Variants in DPYD observed in about 807,000 individuals in gnomAD.
DPYD encodes dihydropyrimidine dehydrogenase [NADP(+)].
DPYD carries 109 observed loss-of-function variants against 116.2 expected under a neutral mutation model. That is an observed-to-expected ratio of 0.94 (90% CI 0.80 to 1.10). DPYD has a LOEUF of 1.10. Among genes scored for constraint, DPYD ranks in the 50% least tolerant of loss-of-function variants. DPYD has a pLI of 0.00. For missense variants in DPYD, 1,302 were observed against 1,254.5 expected, an observed-to-expected ratio of 1.04 and a Z score of -0.57; for synonymous variants, 440 against 432.0, an observed-to-expected ratio of 1.02 and a Z score of -0.23.
At chr1:97,554,263 C>T (rs1046314433) in intron 11 of DPYD, among the ~76,000 whole-genome samples, 3 of 151,964 alleles carry the variant, frequency 2.0e-5, no homozygotes, top group African/African-American at 7.2e-5. Context: ...AAGCATATGA[C>T]AAGTATATTT....
chr1:97,619,370 T>C (rs1342833353), intron 8 of DPYD, among the ~76,000 whole-genome samples: 2 of 152,168 alleles, frequency 1.3e-5, no homozygotes, highest in Non-Finnish European at 2.9e-5. Context: ...CAGGACAAAA[T>C]ACCATGTTCT....
intron 3 of DPYD, among the ~76,000 whole-genome samples, chr1:97,790,221 T>TTTTGAACC (rs1297837382): frequency 1.3e-5 from 2 of 152,332 alleles, no homozygotes; most frequent in East Asian, 3.9e-4. Flanking sequence ...TGTCTTAAAG[T>TTTTGAACC]TGGCCTAGGT....
At chr1:97,708,394 G>A (rs1280766471) in intron 5 of DPYD, among the ~76,000 whole-genome samples, 1 of 151,870 alleles carries the variant, frequency 6.6e-6, no homozygotes, top group African/African-American at 2.4e-5. Context: ...AATATCATTC[G>A]TTGAAAGGAC....
At chr1:97,151,190 A>G (rs1430530530) in intron 20 of DPYD, among the ~76,000 whole-genome samples, 3 of 152,226 alleles carry the variant, frequency 2.0e-5, no homozygotes, top group African/African-American at 7.2e-5. Context: ...AGAAACATTA[A>G]AATACTTTAC....
intron 8 of DPYD, among the ~76,000 whole-genome samples, chr1:97,618,160 G>T (rs922012367): frequency 6.6e-6 from 1 of 152,132 alleles, no homozygotes; most frequent in African/African-American, 2.4e-5. Context: ...GGACATTAAA[G>T]CTTTGCCTTA....
chr1:97,644,381 A>G (rs913629420), intron 8 of DPYD, among the ~76,000 whole-genome samples: 2 of 152,144 alleles, frequency 1.3e-5, no homozygotes, highest in Non-Finnish European at 2.9e-5. Context: ...AAATAATTTG[A>G]GTATATACAT....
intron 20 of DPYD, among the ~76,000 whole-genome samples, chr1:97,135,369 C>T (rs1367018100): frequency 6.6e-6 from 1 of 152,102 alleles, no homozygotes; most frequent in Non-Finnish European, 1.5e-5. Flanking sequence ...CTAGACATCC[C>T]CTTTTATCAG....
chr1:97,090,715 G>A (rs1358329217), intron 21 of DPYD, among the ~76,000 whole-genome samples: 1 of 152,076 alleles, frequency 6.6e-6, no homozygotes, highest in Non-Finnish European at 1.5e-5. Flanking sequence ...AGCTCCATAA[G>A]GATAGACGTC....
intron 8 of DPYD, among the ~76,000 whole-genome samples, chr1:97,619,728 C>A (rs1656516809): frequency 6.6e-6 from 1 of 152,062 alleles, no homozygotes; most frequent in South Asian, 2.1e-4. Context: ...TTTACCATTA[C>A]ACAAACTATC....
intron 20 of DPYD, among the ~76,000 whole-genome samples, chr1:97,151,986 CA>C (rs577611788): frequency 6.6e-6 from 1 of 152,234 alleles, no homozygotes; most frequent in East Asian, 1.9e-4. Flanking sequence ...CTGTCCTCAT[CA>C]AAAATAAGTA....
Position 97,703,416 on chromosome 1 carries a change from T to C in DPYD, c.484-3869A>G, listed in dbSNP as rs370382774. Reference sequence around the variant, plus strand: ...GGTGGGATTAATAAAATATATTTCATAGAGATGCTTTGAGGATTTAATGAG... The same window carrying C: ...GGTGGGATTAATAAAATATATTTCACAGAGATGCTTTGAGGATTTAATGAG... On this transcript the variant is annotated intron_variant, in intron 5 of 22. Transcript: ENST00000370192. Among the ~76,000 whole-genome samples the C allele has an allele frequency of 1.4e-3, 209 of 152,056 alleles. 5 individuals carry two copies. Among genetic ancestry groups the C allele is most frequent in the Middle Eastern group, 3.4e-3 (1 of 294 alleles).
At chr1:97,374,720 A>G (rs1393335062) in intron 15 of DPYD, among the ~76,000 whole-genome samples, 4 of 9,070 alleles carry the variant, frequency 4.4e-4, no homozygotes, top group Non-Finnish European at 3.2e-3. Flanking sequence ...CCGTCTCAGA[A>G]AAAAAAAAAA....
intron 3 of DPYD, among the ~76,000 whole-genome samples, chr1:97,796,235 T>A (rs1383076231): frequency 6.6e-6 from 1 of 152,106 alleles, no homozygotes; most frequent in African/African-American, 2.4e-5. Flanking sequence ...ATTATTATTA[T>A]CCCAATTTTA....
chr1:97,825,149 A>G (rs1374928964), intron 3 of DPYD, among the ~76,000 whole-genome samples: 1 of 152,068 alleles, frequency 6.6e-6, no homozygotes, highest in African/African-American at 2.4e-5. Context: ...CACCAGGGCT[A>G]CAGGCTCAGG....
In DPYD at chr1:97,398,929, G is replaced by T. The variant is rs933527094; in HGVS notation, c.1906-16468C>A. Among the ~76,000 whole-genome samples the T allele has an allele frequency of 2.8e-4, 42 of 152,186 alleles. 1 individual carries two copies. Among genetic ancestry groups the T allele is most frequent in the Admixed American group, 2.6e-3 (39 of 15,282 alleles). On this transcript the variant is annotated intron_variant, in intron 14 of 22. Coordinates refer to ENST00000370192, the MANE Select transcript of DPYD (RefSeq NM_000110.4). Reference sequence around the variant, plus strand: ...CACTCTGATGGTAGTTTCTTTTGCTGTGCAGAAGCTCTTTAGTTTAATTAG... The same window carrying T: ...CACTCTGATGGTAGTTTCTTTTGCTTTGCAGAAGCTCTTTAGTTTAATTAG...
intron 18 of DPYD, among the ~76,000 whole-genome samples, chr1:97,278,708 CA>C (rs1353693253): frequency 6.6e-6 from 1 of 152,094 alleles, no homozygotes; most frequent in Non-Finnish European, 1.5e-5. Context: ...TAGGAAGAAA[CA>C]AAGTTTTCTG....
intron 19 of DPYD, among the ~76,000 whole-genome samples, chr1:97,198,100 C>A (rs929158551): frequency 6.6e-6 from 1 of 152,022 alleles, no homozygotes; most frequent in Non-Finnish European, 1.5e-5. Context: ...ACATACAAAT[C>A]AGGTGGGGAT....
At chr1:97,625,957 G>A (rs906071868) in intron 8 of DPYD, among the ~76,000 whole-genome samples, 3 of 152,000 alleles carry the variant, frequency 2.0e-5, no homozygotes, top group African/African-American at 7.2e-5. Flanking sequence ...CGTGGGCTTT[G>A]GCAGATGATG....
chr1:97,201,328 T>C (rs1296293598), intron 19 of DPYD, among the ~76,000 whole-genome samples: 1 of 152,088 alleles, frequency 6.6e-6, no homozygotes, highest in Non-Finnish European at 1.5e-5. Context: ...CACCTACTGA[T>C]TAAAAAAATC....
Sources: gnomAD v4.1 joint callset for allele counts (sites outside exome capture counted in the v4.1 genomes callset) on GRCh38, gnomAD v4.1.1 for gene constraint, MANE v1.5 for transcripts, NCBI Gene and HGNC (gene_info 2026-07-23, HGNC 2026-07-21) for gene names.